ACTR3C: variants seen among roughly 807,000 people sequenced by gnomAD.
The protein encoded by ACTR3C is actin-related protein 3C.
In ACTR3C, 18 loss-of-function variants were observed where a neutral mutation model predicts 26.3. That is an observed-to-expected ratio of 0.68 (90% CI 0.47 to 1.01). The LOEUF is 1.01. Among genes scored for constraint, ACTR3C ranks in the 50% least tolerant of loss-of-function variants. The probability of loss-of-function intolerance (pLI) is 0.00; values close to 1 mark genes in which losing one functional copy is unlikely to be tolerated. For missense variants in ACTR3C, 184 were observed against 250.7 expected, an observed-to-expected ratio of 0.73 and a Z score of 1.80; for synonymous variants, 55 against 94.5, an observed-to-expected ratio of 0.58 and a Z score of 2.42.
chr7:150,158,305 C>A, the ACTR3C span, among the ~76,000 whole-genome samples: 1 of 151,766 alleles, frequency 6.6e-6, no homozygotes, highest in African/African-American at 2.4e-5. Flanking sequence ...AAATAAAAAT[C>A]AAAATAGAAC....
At chr7:150,194,210 C>T in the ACTR3C span, among the ~76,000 whole-genome samples, 3 of 147,628 alleles carry the variant, frequency 2.0e-5, no homozygotes, top group South Asian at 2.1e-4. Flanking sequence ...CCCCTATTTG[C>T]TTCTGATAAT....
the ACTR3C span, among the ~76,000 whole-genome samples, chr7:150,086,004 T>C: frequency 6.6e-6 from 1 of 150,872 alleles, no homozygotes; most frequent in Non-Finnish European, 1.5e-5. Context: ...TGACACAGAG[T>C]CTCACTCTGT....
chr7:149,970,888 A>G, the ACTR3C span, among the ~76,000 whole-genome samples: 1 of 152,216 alleles, frequency 6.6e-6, no homozygotes, highest in Non-Finnish European at 1.5e-5. Context: ...TCTTACAGTG[A>G]GCACATAATG....
At chr7:149,917,371 G>C in the ACTR3C span, among the ~76,000 whole-genome samples, 1 of 152,120 alleles carries the variant, frequency 6.6e-6, no homozygotes, top group Non-Finnish European at 1.5e-5. Flanking sequence ...ATCACACCCA[G>C]CCTGCCCCAA....
the ACTR3C span, among the ~76,000 whole-genome samples, chr7:150,238,846 ACT>A: frequency 6.8e-6 from 1 of 146,450 alleles, no homozygotes; most frequent in African/African-American, 2.7e-5. Flanking sequence ...ATTATATGGC[ACT>A]CCTGAAGATA....
At chr7:150,194,163 C>T in the ACTR3C span, among the ~76,000 whole-genome samples, 2 of 149,148 alleles carry the variant, frequency 1.3e-5, no homozygotes, top group Non-Finnish European at 3.0e-5. Context: ...ATTGTTACAC[C>T]TCCCTGGAGA....
At chr7:150,159,909 A>G in the ACTR3C span, among the ~76,000 whole-genome samples, 1 of 151,904 alleles carries the variant, frequency 6.6e-6, no homozygotes, top group Non-Finnish European at 1.5e-5. Context: ...GGTTCAAGCG[A>G]TTCTCCTGCC....
At chr7:150,230,620 T>C in the ACTR3C span, among the ~76,000 whole-genome samples, 62 of 152,250 alleles carry the variant, frequency 4.1e-4, no homozygotes, top group African/African-American at 1.4e-3. Flanking sequence ...ACCTAACCAA[T>C]GCATGATGAT....
At chr7:149,911,985 G>A in the ACTR3C span, among the ~76,000 whole-genome samples, 2 of 149,742 alleles carry the variant, frequency 1.3e-5, no homozygotes, top group African/African-American at 2.5e-5. Flanking sequence ...CCTGTAGCCC[G>A]GGTGACAGAG....
At chr7:150,101,674 G>A in the ACTR3C span, among the ~76,000 whole-genome samples, 1 of 151,778 alleles carries the variant, frequency 6.6e-6, no homozygotes, top group Non-Finnish European at 1.5e-5. Context: ...GGCCAGCCAC[G>A]TTAAGTCACT....
intron 1 of ACTR3C, chr7:150,322,962 C>CG (rs1370778489): frequency 1.3e-5 from 2 of 152,444 alleles, no homozygotes; most frequent in Non-Finnish European, 2.9e-5. Context: ...CGCACTCGGG[C>CG]GGTCAGCCTG....
chr7:150,113,747 A>G, the ACTR3C span, among the ~76,000 whole-genome samples: 2 of 152,236 alleles, frequency 1.3e-5, no homozygotes, highest in African/African-American at 4.8e-5. Flanking sequence ...AAATTTTTAA[A>G]TGCTTACTTT....
intron 1 of ACTR3C, chr7:150,323,220 G>A (rs1797741427): frequency 4.2e-6 from 1 of 240,112 alleles, no homozygotes; most frequent in South Asian, 4.1e-5. Flanking sequence ...CAGGTAGGAG[G>A]AACGTACCAA....
chr7:150,023,950 G>A, the ACTR3C span, among the ~76,000 whole-genome samples: 4 of 139,014 alleles, frequency 2.9e-5, no homozygotes, highest in African/African-American at 5.2e-5. Flanking sequence ...AGGAGGAAGC[G>A]CAGGCTTGGA....
chr7:150,035,955 G>A, the ACTR3C span, among the ~76,000 whole-genome samples: 6 of 135,672 alleles, frequency 4.4e-5, 1 homozygote, highest in Non-Finnish European at 1.0e-4. Flanking sequence ...CTCAGAGCCA[G>A]GGCGGGAAGA....
chr7:150,319,842 G>C (rs908096423), intron 1 of ACTR3C, among the ~76,000 whole-genome samples: 4 of 152,170 alleles, frequency 2.6e-5, no homozygotes, highest in Admixed American at 2.6e-4. Flanking sequence ...GTATCTGGAA[G>C]CTCTAGGGGC....
At chr7:150,059,933 A>T in the ACTR3C span, among the ~76,000 whole-genome samples, 9 of 152,252 alleles carry the variant, frequency 5.9e-5, no homozygotes, top group Non-Finnish European at 1.0e-4. Context: ...TAAAGGAAAA[A>T]TGTTCCAGCC....
chr7:149,960,331 T>C, the ACTR3C span, among the ~76,000 whole-genome samples: 3 of 152,088 alleles, frequency 2.0e-5, no homozygotes, highest in Admixed American at 6.5e-5. Flanking sequence ...TGTCTGAAAA[T>C]GTACTGACAA....
chr7:150,020,981 T>G, the ACTR3C span, among the ~76,000 whole-genome samples: 1 of 151,966 alleles, frequency 6.6e-6, no homozygotes, highest in African/African-American at 2.4e-5. Flanking sequence ...CCACCGTGCA[T>G]GGCTAATTTT....
Sources: allele counts gnomAD v4.1 joint callset (sites outside exome capture counted in the v4.1 genomes callset), GRCh38; gene constraint gnomAD v4.1.1; transcripts MANE v1.5; gene names NCBI Gene and HGNC (gene_info 2026-07-23, HGNC 2026-07-21).